Variants in NFYA observed in about 807,000 individuals in gnomAD.
NFYA encodes nuclear transcription factor Y subunit alpha, also known as CAAT-box DNA binding protein subunit A.
NFYA carries 28 observed loss-of-function variants against 52.8 expected under a neutral mutation model. The ratio of observed to expected loss-of-function variants is 0.53; its 90% CI spans 0.39 to 0.73. The LOEUF is 0.73. Among genes scored for constraint, NFYA ranks in the 30% least tolerant of loss-of-function variants. The pLI is 0.00. For synonymous variants in NFYA, 150 were observed against 150.7 expected (o/e 1.00, Z 0.03); for missense variants, 234 against 427.0 (o/e 0.55, Z 3.98).
chr6:41,089,466 T>G lies in NFYA; in HGVS notation c.310-113T>G. On this transcript the variant is annotated intron_variant, in intron 4 of 9. Coordinates refer to ENST00000341376, the MANE Select transcript of NFYA (RefSeq NM_002505.5). ...TAATGGAGGGCAGAGCAGGACTTCT[T>G]TTTTCCTCTTCAGAACATTTTCTGC... 4 of 1,251,750 alleles carry G rather than the reference T, an allele frequency of 3.2e-6. No homozygotes were observed. The South Asian group carries it at 5.9e-5, about 18-fold the overall frequency. 77.5% of individuals were successfully genotyped at this position (1,251,750 alleles called of 1,614,324 possible).
At chr6:41,089,747 G>C in intron 5 of NFYA, 37 bp downstream of exon 5, 2 of 1,599,314 alleles carry the variant, frequency 1.3e-6, no homozygotes, top group Non-Finnish European at 1.7e-6. Flanking sequence ...GAGCAAAACT[G>C]ATTTGGAAGA....
Position 41,097,545 on chromosome 6 carries a change from A to G in NFYA, c.*135A>G, listed in dbSNP as rs1348852187. The G allele has an allele frequency of 1.8e-5, 15 of 851,568 alleles. No homozygotes were observed. The highest frequency in any genetic ancestry group is 2.6e-5 in the Non-Finnish European group (14 of 543,078). 52.8% of individuals were successfully genotyped at this position (851,568 alleles called of 1,614,324 possible). On this transcript the variant is annotated 3_prime_UTR_variant, in exon 10 of 10. Coordinates refer to ENST00000341376, the MANE Select transcript of NFYA (RefSeq NM_002505.5). ...GACAGAAACCACTTAGTTTTTAATA[A>G]GTGGCTCAGTATTACAATTGCAGCG... is the stretch of plus-strand genomic sequence containing the variant.
At chr6:41,083,101 A>G (rs1358953223) in intron 3 of NFYA, among the ~76,000 whole-genome samples, 1 of 152,256 alleles carries the variant, frequency 6.6e-6, no homozygotes, top group Non-Finnish European at 1.5e-5. Context: ...ATAGAGTCTG[A>G]AAATGAAAAT....
chr6:41,073,536 G>C (rs1763609720), intron 1 of NFYA, among the ~76,000 whole-genome samples: 3 of 152,048 alleles, frequency 2.0e-5, no homozygotes, highest in Admixed American at 2.0e-4. Context: ...CCGGCCCTTG[G>C]GACAGGAAGC....
At chr6:41,074,987 G>C (rs1046526480) in intron 1 of NFYA, among the ~76,000 whole-genome samples, 4 of 151,386 alleles carry the variant, frequency 2.6e-5, no homozygotes, top group Non-Finnish European at 5.9e-5. Flanking sequence ...ACAACTAATA[G>C]GTTTCAGAAA....
At chr6:41,094,068 C>T (rs941402029) in intron 8 of NFYA, among the ~76,000 whole-genome samples, 1 of 152,122 alleles carries the variant, frequency 6.6e-6, no homozygotes, top group African/African-American at 2.4e-5. Flanking sequence ...AGTCTTTTTA[C>T]TGAACACTCA....
At chr6:41,074,695 A>G (rs549502478) in intron 1 of NFYA, among the ~76,000 whole-genome samples, 5 of 152,254 alleles carry the variant, frequency 3.3e-5, no homozygotes, top group African/African-American at 9.6e-5. Flanking sequence ...AAATACTTGT[A>G]TATCTTGCTA....
chr6:41,096,250 A>G (rs911164004), intron 9 of NFYA, among the ~76,000 whole-genome samples: 5 of 152,210 alleles, frequency 3.3e-5, no homozygotes, highest in African/African-American at 1.2e-4. Flanking sequence ...GTCCCCACAC[A>G]TGAACACTAA....
Position 41,079,041 on chromosome 6 carries a change from C to G in NFYA, c.-49C>G. On this transcript the variant is annotated 5_prime_UTR_variant, in exon 2 of 10. Coordinates refer to ENST00000341376, the MANE Select transcript of NFYA (RefSeq NM_002505.5). Reference sequence around the variant, plus strand: ...ACCTTTCTAACAGGAGTGTACCTCACAGCCTTCTAGGATCTCCAGAGTGGA... The same window carrying G: ...ACCTTTCTAACAGGAGTGTACCTCAGAGCCTTCTAGGATCTCCAGAGTGGA... 1 of 1,574,902 alleles carries G rather than the reference C, an allele frequency of 6.3e-7. No homozygotes were observed. The highest frequency in any genetic ancestry group is 1.3e-5 in the African/African-American group (1 of 74,292).
intron 4 of NFYA, among the ~76,000 whole-genome samples, chr6:41,084,765 C>A (rs1407160897): frequency 6.6e-6 from 1 of 152,182 alleles, no homozygotes; most frequent in Non-Finnish European, 1.5e-5. Flanking sequence ...GAGTTCAAGA[C>A]CAGCCTGGCC....
chr6:41,092,746 G>A (rs1399700978), intron 7 of NFYA, among the ~76,000 whole-genome samples, 166 bp from the exon 8 acceptor site: 1 of 152,104 alleles, frequency 6.6e-6, no homozygotes, highest in East Asian at 1.9e-4. Context: ...TGTTTAAAGT[G>A]CAGATCTTTA....
In NFYA at chr6:41,093,529, G is replaced by A. The variant is rs1764253166; in HGVS notation, c.888+444G>A. Among the ~76,000 whole-genome samples, 3 of 151,582 alleles carry A rather than the reference G, an allele frequency of 2.0e-5. No individual in the cohort carries two copies. The South Asian group carries it at 6.3e-4, about 32-fold the overall frequency. Reference sequence around the variant, plus strand: ...TCTGTCATCCAGGCCGGAGTGCAGTGGCACAATCTCAGCTCACTGCAACCT... The same window carrying A: ...TCTGTCATCCAGGCCGGAGTGCAGTAGCACAATCTCAGCTCACTGCAACCT... On this transcript the variant is annotated intron_variant, in intron 8 of 9. Coordinates refer to ENST00000341376, the MANE Select transcript of NFYA (RefSeq NM_002505.5).
chr6:41,074,983 A>G (rs1397824166), intron 1 of NFYA, among the ~76,000 whole-genome samples: 1 of 151,478 alleles, frequency 6.6e-6, no homozygotes, highest in Non-Finnish European at 1.5e-5. Flanking sequence ...TTATACAACT[A>G]ATAGGTTTCA....
rs141089745 is a variant in NFYA, at chr6:41,095,678, G to A, written c.990+1181G>A. On this transcript the variant is annotated intron_variant, in intron 9 of 9. Transcript: ENST00000341376. ...ACTCCTAGGCTCAAGCGATCCTCTC[G>A]CCTTGGCCTCCCAAAGTGCTAGGAT... 4.3e-3 allele frequency among the ~76,000 whole-genome samples: 649 copies of A among 152,230 alleles called. 11 individuals carry two copies. In the South Asian group the frequency reaches 0.06, roughly 14 times the overall value.
intron 4 of NFYA, 100 bp downstream of exon 4, chr6:41,084,292 T>C (rs1261482275): frequency 7.5e-7 from 1 of 1,342,132 alleles, no homozygotes; most frequent in Non-Finnish European, 1.0e-6. Flanking sequence ...ATTTAACTGC[T>C]TCCTAACCCA....
chr6:41,092,178 A>G (rs954946549), intron 7 of NFYA, among the ~76,000 whole-genome samples: 1 of 152,062 alleles, frequency 6.6e-6, no homozygotes, highest in Non-Finnish European at 1.5e-5. Context: ...GTTAAAATGC[A>G]TAAATTAAGA....
intron 8 of NFYA, among the ~76,000 whole-genome samples, chr6:41,093,924 G>A (rs1764272511): frequency 1.3e-5 from 2 of 152,182 alleles, no homozygotes; most frequent in African/African-American, 4.8e-5. Flanking sequence ...GAAGGCAGAG[G>A]CAGGAGGATC....
intron 7 of NFYA, among the ~76,000 whole-genome samples, 200 bp downstream of exon 7, chr6:41,091,894 G>C (rs1438825451): frequency 3.3e-5 from 5 of 151,964 alleles, no homozygotes; most frequent in Non-Finnish European, 7.4e-5. Flanking sequence ...TATTCACCAG[G>C]GACTATTCTA....
intron 8 of NFYA, among the ~76,000 whole-genome samples, chr6:41,093,744 T>C (rs1403567923): frequency 6.6e-6 from 1 of 152,236 alleles, no homozygotes; most frequent in Non-Finnish European, 1.5e-5. Flanking sequence ...GTGCCGGGAT[T>C]ATAGGCGTGA....
Sources: allele counts gnomAD v4.1 joint callset (sites outside exome capture counted in the v4.1 genomes callset), GRCh38; gene constraint gnomAD v4.1.1; transcripts MANE v1.5; gene names NCBI Gene and HGNC (gene_info 2026-07-23, HGNC 2026-07-21).